The following KIAA1671 variants were observed in gnomAD, a reference collection of about 807,000 sequenced individuals.
KIAA1671 encodes the protein KIAA1671.
Under a neutral mutation model 131.2 loss-of-function variants are expected in KIAA1671, and 52 were observed. The observed-to-expected ratio is 0.40, with a 90% CI of 0.32 to 0.50. The LOEUF is 0.50. Among genes scored for constraint, KIAA1671 ranks in the 20% least tolerant of loss-of-function variants. The pLI, the probability that KIAA1671 is intolerant of heterozygous loss-of-function variation, is 0.73. For missense variants in KIAA1671, 2,360 were observed against 2,364.2 expected (o/e 1.00, Z 0.04); for synonymous variants, 1,003 against 961.6 (o/e 1.04, Z -0.80).
intron 6 of KIAA1671, among the ~76,000 whole-genome samples, chr22:25,073,589 T>C (rs748981912): frequency 5.9e-5 from 9 of 152,226 alleles, no homozygotes; most frequent in Non-Finnish European, 1.2e-4. Context: ...ACAATACCAT[T>C]AACTATAGTC....
At chr22:25,094,881 C>T (rs1930322522) in intron 6 of KIAA1671, among the ~76,000 whole-genome samples, 1 of 152,154 alleles carries the variant, frequency 6.6e-6, no homozygotes, top group Non-Finnish European at 1.5e-5. Flanking sequence ...CTCCTCCCTC[C>T]CTCTGATTCT....
intron 6 of KIAA1671, among the ~76,000 whole-genome samples, chr22:25,078,139 A>G (rs1467630550): frequency 6.6e-6 from 1 of 152,194 alleles, no homozygotes; most frequent in Non-Finnish European, 1.5e-5. Context: ...TGATGACTAC[A>G]TGCAGTCTCT....
intron 9 of KIAA1671, 62 bp downstream of exon 9, chr22:25,177,584 AGCCCTAT>A: frequency 7.1e-7 from 1 of 1,408,894 alleles, no homozygotes; most frequent in Non-Finnish European, 9.5e-7. Context: ...ATTTAGACTA[AGCCCTAT>A]GAAAAAATTC....
At chr22:25,065,949 A>G (rs1312619943) in intron 6 of KIAA1671, among the ~76,000 whole-genome samples, 1 of 152,092 alleles carries the variant, frequency 6.6e-6, no homozygotes, top group Non-Finnish European at 1.5e-5. Flanking sequence ...GAGACTGGGT[A>G]CTTTAAAGAA....
At chr22:25,127,680 C>G (rs1020707332) in intron 6 of KIAA1671, among the ~76,000 whole-genome samples, 1 of 152,222 alleles carries the variant, frequency 6.6e-6, no homozygotes, top group Non-Finnish European at 1.5e-5. Flanking sequence ...CTATACACGC[C>G]TGGGAGCTGA....
In KIAA1671 at chr22:25,170,796, C is replaced by T. The variant is rs192499856; in HGVS notation, c.4531-24C>T. On this transcript the variant is annotated intron_variant, in intron 6 of 12. Transcript: ENST00000358431. ...TCTGAGTACATTTCCTGGTAGAAAT[C>T]TCACATCTGGCTTGTCTTTGCAGGA... 8 of 1,548,826 alleles carry T rather than the reference C, an allele frequency of 5.2e-6. No individual in the cohort carries two copies. The South Asian group carries it at 7.1e-5, about 14-fold the overall frequency.
At chr22:25,068,261 C>T (rs935737300) in intron 6 of KIAA1671, among the ~76,000 whole-genome samples, 2 of 148,406 alleles carry the variant, frequency 1.3e-5, no homozygotes, top group African/African-American at 5.1e-5. Flanking sequence ...CCTGGCTCTG[C>T]CATCGCTGGG....
Position 25,119,906 on chromosome 22 carries a change from C to T in KIAA1671, c.4531-50914C>T, listed in dbSNP as rs185149594. 5.8e-4 allele frequency among the ~76,000 whole-genome samples: 89 copies of T among 152,156 alleles called. 1 individual carries two copies. The highest frequency in any genetic ancestry group is 1.5e-3 in the African/African-American group (64 of 41,522). ...CAGAGAGGTGGGCCAGGGGCCAGGC[C>T]GGATAGGGCCAGGGAGGGGGATTCT... On this transcript the variant is annotated intron_variant, in intron 6 of 12. Transcript: ENST00000358431.
intron 6 of KIAA1671, among the ~76,000 whole-genome samples, chr22:25,151,332 A>G (rs1933031294): frequency 6.7e-6 from 1 of 148,722 alleles, no homozygotes; most frequent in South Asian, 2.1e-4. Flanking sequence ...ATAAATATAT[A>G]AATAAATATA....
rs199960877 is a variant in KIAA1671, at chr22:24,966,823, GCA to G, written c.-208+14057_-208+14058del. 3.9e-3 allele frequency among the ~76,000 whole-genome samples: 595 copies of G among 152,274 alleles called. 21 individuals carry two copies. In the East Asian group the frequency reaches 0.077, roughly 20 times the overall value. ...TAAAAAATTAACCAGGCGTGATGGTGCACACACCTGTAGTCTCAACTGCTCGG... is the reference window on the plus strand; with the variant it reads ...TAAAAAATTAACCAGGCGTGATGGTGCACACCTGTAGTCTCAACTGCTCGG... On this transcript the variant is annotated intron_variant, in intron 1 of 12. Transcript: ENST00000358431.
intron 1 of KIAA1671, among the ~76,000 whole-genome samples, chr22:24,973,491 C>T (rs946790177): frequency 2.7e-5 from 4 of 150,482 alleles, no homozygotes; most frequent in Non-Finnish European, 5.9e-5. Context: ...CTCCACCTCC[C>T]GGTTCAAGCA....
At chr22:24,959,365 TA>T (rs967794426) in intron 1 of KIAA1671, among the ~76,000 whole-genome samples, 1 of 150,466 alleles carries the variant, frequency 6.6e-6, no homozygotes, top group African/African-American at 2.4e-5. Flanking sequence ...AAAATAAAAT[TA>T]AAAAAAATTA....
At chr22:25,092,024 C>A (rs117528424) in intron 6 of KIAA1671, among the ~76,000 whole-genome samples, 1 of 152,066 alleles carries the variant, frequency 6.6e-6, no homozygotes, top group Non-Finnish European at 1.5e-5. Flanking sequence ...TCAACAAATA[C>A]GTATTGAGTC....
rs1274252611 is a variant in KIAA1671, at chr22:25,018,733, G to C, written c.-207-6900G>C. Among the ~76,000 whole-genome samples the C allele has an allele frequency of 2.0e-5, 3 of 152,240 alleles. No homozygotes were observed. The East Asian group carries it at 5.8e-4, about 29-fold the overall frequency. On this transcript the variant is annotated intron_variant, in intron 1 of 12. Transcript: ENST00000358431. ...GTCATCCGTATTGTAGCATATTGTA[G>C]AATTTCCTTCCTTTTGAAGGCTGAA...
rs547957678 is a variant in KIAA1671 at position 25,016,560 on chromosome 22, G to A, written c.-207-9073G>A. On this transcript the variant is annotated intron_variant, in intron 1 of 12. Transcript: ENST00000358431. ...GGCAGGGAGGGGCTGGCCCAAAGCC[G>A]TCACTGCAGGTTCGTAGAGGAGGTG... 6.6e-5 allele frequency among the ~76,000 whole-genome samples: 10 copies of A among 152,302 alleles called. No individual in the cohort carries two copies. The East Asian group carries it at 1.7e-3, about 26-fold the overall frequency.
intron 6 of KIAA1671, among the ~76,000 whole-genome samples, chr22:25,132,660 G>A (rs1394274115): frequency 6.6e-6 from 1 of 152,170 alleles, no homozygotes; most frequent in Non-Finnish European, 1.5e-5. Context: ...CTTAGACCCT[G>A]CCAGCTGTTC....
intron 4 of KIAA1671, among the ~76,000 whole-genome samples, chr22:25,036,953 C>T (rs1486982070): frequency 1.3e-5 from 2 of 151,634 alleles, no homozygotes; most frequent in Non-Finnish European, 2.9e-5. Context: ...ATAAAAAAAG[C>T]TTTGAACTTT....
In KIAA1671 at chr22:25,171,057, A is replaced by G. The variant is rs1427245990; in HGVS notation, c.4649+119A>G. 1.6e-5 allele frequency: 12 copies of G among 760,206 alleles called. No individual in the cohort carries two copies. The East Asian group carries it at 3.0e-4, about 19-fold the overall frequency. 47.1% of individuals were successfully genotyped at this position (760,206 alleles called of 1,614,324 possible). A position where few individuals can be genotyped will look rare whatever the true frequency, so the allele number is the denominator to read the frequency against. On this transcript the variant is annotated intron_variant, in intron 7 of 12. Transcript: ENST00000358431. ...ACCTCCAGTCTGTAATTATAAAAGGAACCCATTCTTCTTTTAAAAAGGAAA... is the reference window on the plus strand; with the variant it reads ...ACCTCCAGTCTGTAATTATAAAAGGGACCCATTCTTCTTTTAAAAAGGAAA...
Position 25,027,982 on chromosome 22 carries a change from G to T in KIAA1671, c.-18G>T. The T allele has an allele frequency of 6.9e-7, 1 of 1,452,408 alleles. No homozygotes were observed. Among genetic ancestry groups the T allele is most frequent in the Non-Finnish European group, 9.1e-7 (1 of 1,096,882 alleles). The allele number at this position is 1,452,408 out of a possible 1,614,324, so 90.0% of individuals were successfully genotyped here. A position where few individuals can be genotyped will look rare whatever the true frequency, so the allele number is the denominator to read the frequency against. The stretch of plus-strand genomic sequence containing the variant: ...CATTCTTGAAGTTCCTAACCCCCAT[G>T]AATCCACAACCATAACCATGGCCAC... On this transcript the variant is annotated 5_prime_UTR_variant, in exon 3 of 13. An upstream start codon of the reference 5' UTR is lost. Transcript: ENST00000358431.
Sources: allele counts gnomAD v4.1 joint callset (sites outside exome capture counted in the v4.1 genomes callset), GRCh38; gene constraint gnomAD v4.1.1; transcripts MANE v1.5; gene names NCBI Gene and HGNC (gene_info 2026-07-23, HGNC 2026-07-21).